The following GPR63 variants were observed in gnomAD, a reference collection of about 807,000 sequenced individuals.
The protein encoded by GPR63 is probable G protein-coupled receptor 63.
In GPR63, 12 loss-of-function variants were observed where a neutral mutation model predicts 23.1. The ratio of observed to expected loss-of-function variants is 0.52; its 90% confidence interval spans 0.33 to 0.84. The LOEUF (loss-of-function observed/expected upper bound fraction) is 0.84, where lower values mean the gene tolerates loss of function less well. Ranked by LOEUF, GPR63 falls within the 40% of genes least tolerant of loss-of-function variation. The pLI is 0.02. For synonymous variants in GPR63, 172 were observed against 191.1 expected (o/e 0.90, Z 0.82); for missense variants, 472 against 515.6 (o/e 0.92, Z 0.82).
intron 1 of GPR63, among the ~76,000 whole-genome samples, chr6:96,830,498 T>C (rs917902969): frequency 9.9e-5 from 15 of 152,132 alleles, no homozygotes; most frequent in Non-Finnish European, 1.8e-4. Flanking sequence ...ATCCAAGTGC[T>C]AAAACAGAGG....
In GPR63 at chr6:96,829,517, A is replaced by T. The variant is rs999604782; in HGVS notation, c.-151+7751T>A. On this transcript the variant is annotated intron_variant, in intron 1 of 1. Transcript: ENST00000229955. The stretch of plus-strand genomic sequence containing the variant: ...AGACCAGCCTGGACAACACAGTGAG[A>T]CTTCATCTCTACAAAAAATAAAAAT... 7.2e-5 allele frequency among the ~76,000 whole-genome samples: 11 copies of T among 151,914 alleles called. No individual in the cohort carries two copies. In the East Asian group the frequency reaches 2.1e-3, roughly 29 times the overall value.
Position 96,799,040 on chromosome 6 carries a change from AAC to A in GPR63, c.690_691del (p.Phe231TrpfsTer47). ...GTAGCCTGGATTGGTTGTGTACCCA[AAC>A]ACACACTGGGGAGCTCGGGAAGGTA... On this transcript the variant is annotated frameshift_variant, in exon 2 of 2. Transcript: ENST00000229955. LOFTEE classifies it high-confidence loss of function. The A allele has an allele frequency of 1.2e-6, 2 of 1,614,188 alleles. No individual in the cohort carries two copies. Among genetic ancestry groups the A allele is most frequent in the Non-Finnish European group, 1.7e-6 (2 of 1,180,024 alleles).
rs760156294 is a variant in GPR63, at chr6:96,798,688, G to C, written c.1044C>G (p.Asn348Lys). ...TFSKHFYYQHNFFEISTWLLW... is the reference protein window; with the variant it reads ...TFSKHFYYQHKFFEISTWLLW... ...GTAGCCAGGTGCTAATCTCAAAAAA[G>C]TTGTGCTGATAGTAAAAGTGCTTAC... is the stretch of plus-strand genomic sequence containing the variant. The change falls in exon 2 of 2, where the codon AAC becomes AAG. Residue 348 changes from asparagine to lysine, a missense_variant. Coordinates refer to ENST00000229955, the MANE Select transcript of GPR63 (RefSeq NM_030784.4). 6.2e-7 allele frequency: 1 copy of C among 1,614,222 alleles called. No homozygotes were observed. The highest frequency in any genetic ancestry group is 2.2e-5 in the East Asian group (1 of 44,888).
chr6:96,802,857 G>C (rs1562115035), intron 1 of GPR63, among the ~76,000 whole-genome samples: 1 of 152,064 alleles, frequency 6.6e-6, no homozygotes, highest in South Asian at 2.1e-4. Context: ...AATACTTCCA[G>C]GGAAATATGC....
At chr6:96,820,117 C>A (rs1774275366) in intron 1 of GPR63, among the ~76,000 whole-genome samples, 3 of 150,898 alleles carry the variant, frequency 2.0e-5, no homozygotes, top group African/African-American at 7.3e-5. Context: ...AAAATAAAAT[C>A]TTCTTGAACA....
chr6:96,814,347 AT>A (rs1774111523), intron 1 of GPR63, among the ~76,000 whole-genome samples: 1 of 152,072 alleles, frequency 6.6e-6, no homozygotes, highest in South Asian at 2.1e-4. Context: ...AAAAAGCCTT[AT>A]CCCAGAAAAA....
At chr6:96,831,014 C>T (rs1292672681) in intron 1 of GPR63, among the ~76,000 whole-genome samples, 1 of 152,208 alleles carries the variant, frequency 6.6e-6, no homozygotes, top group African/African-American at 2.4e-5. Flanking sequence ...CATATACACA[C>T]AGCTCAAGGC....
chr6:96,810,516 TAAC>T (rs1774014741), intron 1 of GPR63, among the ~76,000 whole-genome samples: 1 of 145,322 alleles, frequency 6.9e-6, no homozygotes, highest in African/African-American at 2.5e-5. Context: ...AAAAAAAAGA[TAAC>T]AGTTAAATAA....
chr6:96,808,369 A>G (rs1326808208), intron 1 of GPR63, among the ~76,000 whole-genome samples: 2 of 152,214 alleles, frequency 1.3e-5, no homozygotes, highest in African/African-American at 2.4e-5. Flanking sequence ...GTGTTTCCCA[A>G]TGCAGATGGT....
At chr6:96,809,230 C>A (rs976770215) in intron 1 of GPR63, among the ~76,000 whole-genome samples, 1 of 152,122 alleles carries the variant, frequency 6.6e-6, no homozygotes, top group African/African-American at 2.4e-5. Flanking sequence ...CCATCTCTAA[C>A]CCCTCTAGGA....
chr6:96,797,628 CT>C lies in GPR63; in HGVS notation c.*843del, dbSNP rs1773625645. ...CATAGGTGTCCATAAATATCAACCC[CT>C]TCTCCCTATACTCCACAAAAACCCT... On this transcript the variant is annotated 3_prime_UTR_variant, in exon 2 of 2. Transcript: ENST00000229955. 1 of 152,184 alleles carries C rather than the reference CT, an allele frequency of 6.6e-6. No individual in the cohort carries two copies. The allele number at this position is 152,184 out of a possible 1,614,324, so 9.4% of individuals were successfully genotyped here.
In GPR63 at chr6:96,796,373, C is replaced by CA. The variant is rs1196640579; in HGVS notation, c.*2098dup. The CA allele has an allele frequency of 6.6e-6, 1 of 152,082 alleles. No individual in the cohort carries two copies. Among genetic ancestry groups the CA allele is most frequent in the Non-Finnish European group, 1.5e-5 (1 of 68,014 alleles). 9.4% of individuals were successfully genotyped at this position (152,082 alleles called of 1,614,324 possible). On this transcript the variant is annotated 3_prime_UTR_variant, in exon 2 of 2. Transcript: ENST00000229955. ...TGAAGAAATAGAAGCTTATTTTTTCCACTGGCTCACAAAACACTAACATCC... is the reference window on the plus strand; with the variant it reads ...TGAAGAAATAGAAGCTTATTTTTTCCAACTGGCTCACAAAACACTAACATCC...
At chr6:96,806,185 T>C (rs1773891581) in intron 1 of GPR63, among the ~76,000 whole-genome samples, 1 of 152,196 alleles carries the variant, frequency 6.6e-6, no homozygotes, top group South Asian at 2.1e-4. Context: ...ACCCTATGCA[T>C]GGTAAGACAC....
At chr6:96,833,576 A>C (rs1486299822) in intron 1 of GPR63, among the ~76,000 whole-genome samples, 1 of 152,214 alleles carries the variant, frequency 6.6e-6, no homozygotes. Context: ...GATCCTTAGA[A>C]GTTTCCACAG....
intron 1 of GPR63, among the ~76,000 whole-genome samples, 157 bp from the exon 2 acceptor site, chr6:96,800,038 TTC>T (rs1477675182): frequency 6.6e-6 from 1 of 152,206 alleles, no homozygotes; most frequent in Non-Finnish European, 1.5e-5. Context: ...TAAAATATCG[TTC>T]TGTTATTTTA....
At chr6:96,807,384 G>C (rs183761414) in intron 1 of GPR63, among the ~76,000 whole-genome samples, 13 of 152,306 alleles carry the variant, frequency 8.5e-5, no homozygotes, top group African/African-American at 2.9e-4. Flanking sequence ...TAAACCTATT[G>C]AAAATGACAT....
At chr6:96,828,028 G>A (rs1243104534) in intron 1 of GPR63, among the ~76,000 whole-genome samples, 2 of 152,136 alleles carry the variant, frequency 1.3e-5, no homozygotes, top group Non-Finnish European at 2.9e-5. Flanking sequence ...AAACAGGCTA[G>A]AACTAAAATA....
In GPR63 at chr6:96,794,726, C is replaced by A. The variant is rs1426942852; in HGVS notation, c.*3746G>T. Reference sequence around the variant, plus strand: ...CGGGAATTACACACAATAAAGACAGCTCTCTATAAGAAAATAAAATATGAG... The same window carrying A: ...CGGGAATTACACACAATAAAGACAGATCTCTATAAGAAAATAAAATATGAG... On this transcript the variant is annotated 3_prime_UTR_variant, in exon 2 of 2. Coordinates refer to ENST00000229955, the MANE Select transcript of GPR63 (RefSeq NM_030784.4). 6.6e-6 allele frequency: 1 copy of A among 152,098 alleles called. No individual in the cohort carries two copies. The highest frequency in any genetic ancestry group is 1.5e-5 in the Non-Finnish European group (1 of 68,018). 9.4% of individuals were successfully genotyped at this position (152,098 alleles called of 1,614,324 possible).
chr6:96,798,237 A>C lies in GPR63; in HGVS notation c.*235T>G. On this transcript the variant is annotated 3_prime_UTR_variant, in exon 2 of 2. Coordinates refer to ENST00000229955, the MANE Select transcript of GPR63 (RefSeq NM_030784.4). The stretch of plus-strand genomic sequence containing the variant: ...AGGAAAAACCCCAAAACCAAAAAAA[A>C]GTCTCCTCACCCTAAATTGAGGATT... 2.3e-6 allele frequency: 1 copy of C among 441,330 alleles called. No individual in the cohort carries two copies. Among genetic ancestry groups the C allele is most frequent in the African/African-American group, 2.0e-5 (1 of 50,870 alleles). 27.3% of individuals were successfully genotyped at this position (441,330 alleles called of 1,614,324 possible). A position where few individuals can be genotyped will look rare whatever the true frequency, so the allele number is the denominator to read the frequency against.
Sources: gnomAD v4.1 joint callset for allele counts (sites outside exome capture counted in the v4.1 genomes callset) on GRCh38, gnomAD v4.1.1 for gene constraint, MANE v1.5 for transcripts, NCBI Gene and HGNC (gene_info 2026-07-23, HGNC 2026-07-21) for gene names.